CCT6B: variants seen among roughly 807,000 people sequenced by gnomAD.
The protein encoded by CCT6B is chaperonin containing TCP1 subunit 6B, also known as probable T-complex protein 1 subunit zeta-2.
Under a neutral mutation model 61.5 loss-of-function variants are expected in CCT6B, and 49 were observed. That is an observed-to-expected ratio of 0.80 (90% CI 0.63 to 1.01). The LOEUF (loss-of-function observed/expected upper bound fraction) is 1.01, where lower values mean the gene tolerates loss of function less well. CCT6B is among the 50% of genes least tolerant of loss of function. The pLI, the probability that CCT6B is intolerant of heterozygous loss-of-function variation, is 0.00. For missense variants in CCT6B, 666 were observed against 634.7 expected (o/e 1.05, Z -0.53); for synonymous variants, 228 against 214.5 (o/e 1.06, Z -0.55).
At chr17:34,941,445 C>G (rs2090162479) in intron 7 of CCT6B, among the ~76,000 whole-genome samples, 1 of 152,202 alleles carries the variant, frequency 6.6e-6, no homozygotes, top group Non-Finnish European at 1.5e-5. Flanking sequence ...AATATCACTA[C>G]TATTATCAGG....
intron 3 of CCT6B, among the ~76,000 whole-genome samples, chr17:34,955,447 T>C (rs2090337379): frequency 6.6e-6 from 1 of 152,098 alleles, no homozygotes; most frequent in Non-Finnish European, 1.5e-5. Flanking sequence ...CAACATACAG[T>C]TTAGAAAAGA....
chr17:34,941,780 A>C (rs1306286065), intron 7 of CCT6B, among the ~76,000 whole-genome samples: 1 of 152,196 alleles, frequency 6.6e-6, no homozygotes, highest in African/African-American at 2.4e-5. Flanking sequence ...AGAGCTTTGA[A>C]GTTCCCAGCC....
chr17:34,949,670 A>G (rs1306310405), intron 5 of CCT6B: 1 of 152,188 alleles, frequency 6.6e-6, no homozygotes, highest in Admixed American at 6.5e-5. Flanking sequence ...ACTTCATATC[A>G]GTACAAAAGT....
intron 10 of CCT6B, among the ~76,000 whole-genome samples, chr17:34,933,077 C>T (rs1219106421): frequency 6.6e-6 from 1 of 152,138 alleles, no homozygotes. Context: ...CCACCACACC[C>T]GGCCTTATGA....
chr17:34,934,225 A>T lies in CCT6B; in HGVS notation c.1214-1725T>A, dbSNP rs373525544. 1.3e-3 allele frequency among the ~76,000 whole-genome samples: 203 copies of T among 152,280 alleles called. 1 individual carries two copies. The highest frequency in any genetic ancestry group is 4.7e-3 in the African/African-American group (195 of 41,584). On this transcript the variant is annotated intron_variant, in intron 10 of 13. Transcript: ENST00000314144. Reference sequence around the variant, plus strand: ...AATAATTAGGATGAAAGTGGAAATTAGTCAAATGACAAATGTCAGAAATGA... The same window carrying T: ...AATAATTAGGATGAAAGTGGAAATTTGTCAAATGACAAATGTCAGAAATGA...
chr17:34,936,892 C>T (rs2090100591), intron 10 of CCT6B, among the ~76,000 whole-genome samples: 2 of 152,088 alleles, frequency 1.3e-5, no homozygotes, highest in Non-Finnish European at 1.5e-5. Flanking sequence ...ATGGCTCACA[C>T]CTGTAATCCA....
intron 11 of CCT6B, among the ~76,000 whole-genome samples, chr17:34,931,752 ATTG>A (rs904895175): frequency 1.3e-5 from 2 of 152,206 alleles, no homozygotes; most frequent in African/African-American, 4.8e-5. Context: ...TTTTGCTAAC[ATTG>A]TTAATAATGT....
Position 34,961,315 on chromosome 17 carries a change from C to G in CCT6B, c.79G>C (p.Ala27Pro), listed in dbSNP as rs990817894. ...RAALAVNICA[A>P]RGLQDVLRTN... ...CGCAGCACATCCTGCAGCCCTCGGGCGGCGCATATATTGACAGCCAAAGCT... is the reference window on the plus strand; with the variant it reads ...CGCAGCACATCCTGCAGCCCTCGGGGGGCGCATATATTGACAGCCAAAGCT... The change falls in exon 1 of 14, where the codon GCC becomes CCC. Residue 27 changes from alanine to proline, a missense_variant. By Grantham distance (27) the Ala-to-Pro change is conservative (BLOSUM62 -1). Coordinates refer to ENST00000314144, the MANE Select transcript of CCT6B (RefSeq NM_006584.4). 6.2e-7 allele frequency: 1 copy of G among 1,613,052 alleles called. No individual in the cohort carries two copies. The highest frequency in any genetic ancestry group is 2.2e-5 in the East Asian group (1 of 44,876).
rs573442944 is a variant in CCT6B at position 34,938,795 on chromosome 17, C to T, written c.1213+388G>A. Among the ~76,000 whole-genome samples the T allele has an allele frequency of 3.1e-4, 47 of 152,054 alleles. No individual in the cohort carries two copies. The South Asian group carries it at 9.1e-3, about 30-fold the overall frequency. On this transcript the variant is annotated intron_variant, in intron 10 of 13. Coordinates refer to ENST00000314144, the MANE Select transcript of CCT6B (RefSeq NM_006584.4). ...ATAATAAAAATAAAATTTAAAAAGA[C>T]TTAAAGGCCAGGCATGGTGGCTCAC... is the stretch of plus-strand genomic sequence containing the variant.
chr17:34,952,245 A>G (rs1468500982), intron 4 of CCT6B, among the ~76,000 whole-genome samples, 192 bp from the exon 5 acceptor site: 1 of 152,226 alleles, frequency 6.6e-6, no homozygotes, highest in Non-Finnish European at 1.5e-5. Context: ...GAGTCTAAAG[A>G]AACTTCAGAG....
intron 1 of CCT6B, among the ~76,000 whole-genome samples, 170 bp downstream of exon 1, chr17:34,961,087 T>C (rs977620185): frequency 1.7e-4 from 26 of 152,126 alleles, no homozygotes; most frequent in Non-Finnish European, 2.2e-4. Context: ...TAGGGGAGGC[T>C]TTTCTCCTCC....
intron 12 of CCT6B, among the ~76,000 whole-genome samples, chr17:34,930,635 TA>T (rs1385630490): frequency 6.6e-6 from 1 of 152,218 alleles, no homozygotes. Flanking sequence ...TATAATTCAT[TA>T]CTTTTTCTAA....
Position 34,961,453 on chromosome 17 carries a change from G to C in CCT6B, c.-60C>G. 2 of 1,562,240 alleles carry C rather than the reference G, an allele frequency of 1.3e-6. No homozygotes were observed. The highest frequency in any genetic ancestry group is 1.7e-4 in the Middle Eastern group (1 of 5,750). ...CTTAGTCGCGATTCTGAGCAAAAAC[G>C]GCAATGCGACGCCACGCTCTCTTGA... is the stretch of plus-strand genomic sequence containing the variant. On this transcript the variant is annotated 5_prime_UTR_variant, in exon 1 of 14. Transcript: ENST00000314144.
chr17:34,931,677 T>A (rs1053256481), intron 11 of CCT6B, among the ~76,000 whole-genome samples: 3 of 152,128 alleles, frequency 2.0e-5, no homozygotes, highest in African/African-American at 7.2e-5. Context: ...AAAGAAAAAA[T>A]AGCAAATCTA....
intron 11 of CCT6B, among the ~76,000 whole-genome samples, chr17:34,931,455 A>C (rs1052652434): frequency 1.3e-5 from 2 of 152,162 alleles, no homozygotes; most frequent in African/African-American, 2.4e-5. Flanking sequence ...AGGAAACCAG[A>C]ATATTTGCAG....
chr17:34,955,379 C>T (rs7212058), intron 3 of CCT6B, among the ~76,000 whole-genome samples: 3 of 152,116 alleles, frequency 2.0e-5, no homozygotes, highest in South Asian at 2.1e-4. Flanking sequence ...AACTATACTG[C>T]AATTATATAA....
intron 1 of CCT6B, among the ~76,000 whole-genome samples, chr17:34,960,488 A>G (rs2090399556): frequency 6.6e-6 from 1 of 152,224 alleles, no homozygotes; most frequent in Non-Finnish European, 1.5e-5. Context: ...GTTACTTAAG[A>G]TGCTTTTCCT....
chr17:34,960,161 C>A (rs1007521674), intron 1 of CCT6B, among the ~76,000 whole-genome samples: 17 of 152,336 alleles, frequency 1.1e-4, no homozygotes, highest in Admixed American at 8.5e-4. Context: ...ACCCTCCACA[C>A]ATTTTTCTTT....
In CCT6B at chr17:34,932,350, C is replaced by A. The variant is rs754705446; in HGVS notation, c.1347+17G>T. Reference sequence around the variant, plus strand: ...TATGTCTAAGCAGTTGTTATTTGGCCGAAAGGGTAGTTGTACCTTGGGAAT... The same window carrying A: ...TATGTCTAAGCAGTTGTTATTTGGCAGAAAGGGTAGTTGTACCTTGGGAAT... On this transcript the variant is annotated intron_variant, in intron 11 of 13. Transcript: ENST00000314144. The A allele has an allele frequency of 2.5e-6, 4 of 1,587,212 alleles. No homozygotes were observed. Among genetic ancestry groups the A allele is most frequent in the Non-Finnish European group, 3.4e-6 (4 of 1,170,780 alleles).
Sources: allele counts gnomAD v4.1 joint callset (sites outside exome capture counted in the v4.1 genomes callset), GRCh38; gene constraint gnomAD v4.1.1; transcripts MANE v1.5; gene names NCBI Gene and HGNC (gene_info 2026-07-23, HGNC 2026-07-21).